The following S100A8 variants were observed in gnomAD, a reference collection of about 807,000 sequenced individuals.
S100A8 encodes S100 calcium binding protein A8.
A neutral mutation model predicts 4.2 loss-of-function variants in S100A8; 1 was observed. That is an observed-to-expected ratio of 0.24 (90% CI 0.08 to 1.12). S100A8 has a LOEUF of 1.12. Among genes scored for constraint, S100A8 ranks in the 50% most tolerant of loss-of-function variants. The pLI is 0.53. For synonymous variants in S100A8, 41 were observed against 44.7 expected, an observed-to-expected ratio of 0.92 and a Z score of 0.33; for missense variants, 96 against 111.8, an observed-to-expected ratio of 0.86 and a Z score of 0.64.
chr1:153,400,046 C>T, the S100A8 span, among the ~76,000 whole-genome samples: 1 of 152,124 alleles, frequency 6.6e-6, no homozygotes, highest in Admixed American at 6.5e-5. Flanking sequence ...TGGAGGCAGA[C>T]ATCTAGCCAA....
chr1:153,402,815 C>G, the S100A8 span, among the ~76,000 whole-genome samples: 1 of 151,966 alleles, frequency 6.6e-6, no homozygotes, highest in Admixed American at 6.6e-5. Flanking sequence ...CCAAGGGAAT[C>G]ATGAAAAAGA....
chr1:153,416,351 T>A, the S100A8 span, among the ~76,000 whole-genome samples: 3 of 152,156 alleles, frequency 2.0e-5, no homozygotes, highest in Admixed American at 2.0e-4. Context: ...TGGGACCTGG[T>A]GACCTGGGAC....
At chr1:153,410,939 C>T in the S100A8 span, among the ~76,000 whole-genome samples, 3 of 152,278 alleles carry the variant, frequency 2.0e-5, no homozygotes, top group East Asian at 5.8e-4. Context: ...GCCCTTCATG[C>T]TAAAAACTCT....
the S100A8 span, among the ~76,000 whole-genome samples, chr1:153,414,848 G>C: frequency 1.3e-5 from 2 of 152,168 alleles, no homozygotes; most frequent in Non-Finnish European, 2.9e-5. Flanking sequence ...GGTGAAGTCC[G>C]GGCTTTTAAT....
the S100A8 span, among the ~76,000 whole-genome samples, chr1:153,402,472 GA>G: frequency 6.6e-6 from 1 of 152,172 alleles, no homozygotes; most frequent in African/African-American, 2.4e-5. Flanking sequence ...GCTCAGGTAG[GA>G]GCCAGCCTGG....
chr1:153,392,803 T>A (rs1311333867), upstream of S100A8, among the ~76,000 whole-genome samples: 1 of 152,106 alleles, frequency 6.6e-6, no homozygotes, highest in Non-Finnish European at 1.5e-5. Context: ...GCAGGGAGTC[T>A]TTCACCCTCC....
upstream of S100A8, among the ~76,000 whole-genome samples, chr1:153,394,764 T>G (rs1662176217): frequency 6.6e-6 from 1 of 152,116 alleles, no homozygotes; most frequent in Admixed American, 6.5e-5. Context: ...AAACAAGGTC[T>G]CCAGCTCAGC....
Position 153,390,032 on chromosome 1 carries a change from T to G in S100A8, c.*71A>C. On this transcript the variant is annotated 3_prime_UTR_variant, in exon 3 of 3. Coordinates refer to ENST00000368733, the MANE Select transcript of S100A8 (RefSeq NM_002964.5). ...TCCACAAAAGCATAAGAGAGAGGCATGAGGTATTGATGACTTTATTATTCT... is the reference window on the plus strand; with the variant it reads ...TCCACAAAAGCATAAGAGAGAGGCAGGAGGTATTGATGACTTTATTATTCT... 1.5e-5 allele frequency: 20 copies of G among 1,325,094 alleles called. No homozygotes were observed. The highest frequency in any genetic ancestry group is 4.1e-5 in the South Asian group (3 of 73,864). 82.1% of individuals were successfully genotyped at this position (1,325,094 alleles called of 1,614,324 possible). A position where few individuals can be genotyped will look rare whatever the true frequency, so the allele number is the denominator to read the frequency against.
the S100A8 span, among the ~76,000 whole-genome samples, chr1:153,415,158 G>A: frequency 1.9e-4 from 29 of 151,546 alleles, no homozygotes; most frequent in African/African-American, 4.9e-4. Context: ...GTATGTGTGC[G>A]TTTGTGTGTG....
the S100A8 span, among the ~76,000 whole-genome samples, chr1:153,418,622 C>T: frequency 1.5e-3 from 230 of 152,200 alleles, no homozygotes; most frequent in African/African-American, 5.1e-3. Context: ...AAATCAATAG[C>T]CCTCTTTGCA....
At chr1:153,416,115 T>C in the S100A8 span, among the ~76,000 whole-genome samples, 3 of 152,006 alleles carry the variant, frequency 2.0e-5, no homozygotes, top group Non-Finnish European at 4.4e-5. Flanking sequence ...CAGTAAGCGG[T>C]GGGGGTCATA....
chr1:153,398,938 T>G, the S100A8 span, among the ~76,000 whole-genome samples: 1 of 152,202 alleles, frequency 6.6e-6, no homozygotes, highest in Non-Finnish European at 1.5e-5. Flanking sequence ...ACACCCGCCT[T>G]GGGCCACGAT....
the S100A8 span, among the ~76,000 whole-genome samples, chr1:153,413,360 G>A: frequency 9.9e-5 from 15 of 152,280 alleles, no homozygotes; most frequent in East Asian, 2.5e-3. Flanking sequence ...CAATTCTGGA[G>A]ATTAGTGTTT....
the S100A8 span, chr1:153,419,184 A>T: frequency 6.2e-7 from 1 of 1,614,146 alleles, no homozygotes; most frequent in Non-Finnish European, 8.5e-7. Flanking sequence ...TGTCTTTGAG[A>T]AAAAGGACAA....
chr1:153,413,548 C>T, the S100A8 span, among the ~76,000 whole-genome samples: 2 of 152,146 alleles, frequency 1.3e-5, no homozygotes, highest in Non-Finnish European at 2.9e-5. Flanking sequence ...TGTCAGTTTT[C>T]ATTAATTTAT....
At chr1:153,402,389 A>G in the S100A8 span, among the ~76,000 whole-genome samples, 2 of 152,316 alleles carry the variant, frequency 1.3e-5, no homozygotes, top group African/African-American at 4.8e-5. Flanking sequence ...TTGTCCCCGA[A>G]TAACAGGAAA....
At chr1:153,415,016 G>T in the S100A8 span, among the ~76,000 whole-genome samples, 1 of 152,036 alleles carries the variant, frequency 6.6e-6, no homozygotes, top group African/African-American at 2.4e-5. Context: ...TACACATGAG[G>T]GTGCACAGTG....
the S100A8 span, chr1:153,418,004 A>G: frequency 1.3e-6 from 2 of 1,585,100 alleles, no homozygotes; most frequent in East Asian, 2.2e-5. Context: ...TCCTTCTAAC[A>G]CCCCCACATA....
the S100A8 span, among the ~76,000 whole-genome samples, chr1:153,417,667 C>T: frequency 6.6e-6 from 1 of 152,220 alleles, no homozygotes; most frequent in African/African-American, 2.4e-5. Flanking sequence ...CCCCGTGACT[C>T]TCACCCCGAC....
Sources: allele counts gnomAD v4.1 joint callset (sites outside exome capture counted in the v4.1 genomes callset), GRCh38; gene constraint gnomAD v4.1.1; transcripts MANE v1.5; gene names NCBI Gene and HGNC (gene_info 2026-07-23, HGNC 2026-07-21).